Variants in S100Z observed in about 807,000 individuals in gnomAD.
S100Z encodes S100 calcium binding protein Z, also known as protein S100-Z.
Under a neutral mutation model 8.5 loss-of-function variants are expected in S100Z, and 11 were observed. That is an observed-to-expected ratio of 1.30 (90% CI 0.82 to 2.15). The LOEUF (loss-of-function observed/expected upper bound fraction) is 2.15. Ranked by LOEUF, S100Z falls within the 30% of genes most tolerant of loss-of-function variation. The pLI is 0.00. For synonymous variants in S100Z, 34 were observed against 43.8 expected, an observed-to-expected ratio of 0.78 and a Z score of 0.89; for missense variants, 126 against 117.9, an observed-to-expected ratio of 1.07 and a Z score of -0.32.
intron 1 of S100Z, among the ~76,000 whole-genome samples, chr5:76,865,378 G>C (rs1236988348): frequency 6.6e-6 from 1 of 151,504 alleles, no homozygotes; most frequent in Non-Finnish European, 1.5e-5. Context: ...CCGAGTAGCT[G>C]GGATTACAGG....
At chr5:76,950,536 A>T in the S100Z span, among the ~76,000 whole-genome samples, 2 of 152,202 alleles carry the variant, frequency 1.3e-5, no homozygotes, top group Non-Finnish European at 2.9e-5. Flanking sequence ...TTCCTACCTA[A>T]CAAAAAGAAA....
At chr5:76,933,737 G>T in the S100Z span, among the ~76,000 whole-genome samples, 1 of 152,076 alleles carries the variant, frequency 6.6e-6, no homozygotes. Context: ...ATTGTGGTGA[G>T]ATATACATAA....
At chr5:76,948,451 C>G in the S100Z span, among the ~76,000 whole-genome samples, 1 of 151,956 alleles carries the variant, frequency 6.6e-6, no homozygotes, top group Non-Finnish European at 1.5e-5. Context: ...TGGTTAATAT[C>G]CAAAATATAT....
the S100Z span, among the ~76,000 whole-genome samples, chr5:76,951,269 G>T: frequency 6.6e-6 from 1 of 152,246 alleles, no homozygotes; most frequent in Non-Finnish European, 1.5e-5. Flanking sequence ...CATCATGACA[G>T]CAGGGTGGGA....
downstream of S100Z, among the ~76,000 whole-genome samples, chr5:76,924,766 C>A (rs1002073477): frequency 6.6e-6 from 1 of 151,984 alleles, no homozygotes; most frequent in Non-Finnish European, 1.5e-5. Context: ...AAAAATTAGC[C>A]GGGCATGGTG....
chr5:76,896,322 CATA>C (rs1744037249), intron 4 of S100Z, among the ~76,000 whole-genome samples: 1 of 152,176 alleles, frequency 6.6e-6, no homozygotes, highest in Non-Finnish European at 1.5e-5. Flanking sequence ...TTTCATTTAA[CATA>C]ATGATCTTCA....
At chr5:76,913,143 A>T (rs1264820761) in intron 4 of S100Z, among the ~76,000 whole-genome samples, 1 of 152,248 alleles carries the variant, frequency 6.6e-6, no homozygotes, top group African/African-American at 2.4e-5. Flanking sequence ...CCTTGTTGTC[A>T]GTGTAAACAA....
At chr5:76,898,555 A>C (rs1317157071) in intron 4 of S100Z, among the ~76,000 whole-genome samples, 1 of 152,126 alleles carries the variant, frequency 6.6e-6, no homozygotes, top group African/African-American at 2.4e-5. Context: ...CATCAACTGA[A>C]ATGATCATAT....
chr5:76,940,414 T>C, the S100Z span, among the ~76,000 whole-genome samples: 3 of 151,838 alleles, frequency 2.0e-5, no homozygotes, highest in African/African-American at 7.3e-5. Context: ...TTTTTCTTTT[T>C]TTTTTTTCTT....
chr5:76,864,457 A>G (rs1046314111), intron 1 of S100Z, among the ~76,000 whole-genome samples: 1 of 118,858 alleles, frequency 8.4e-6, no homozygotes, highest in Non-Finnish European at 1.6e-5. Context: ...GCTGGAGTGC[A>G]GTGGCACAAT....
At chr5:76,925,847 G>A (rs538755813), downstream of S100Z, among the ~76,000 whole-genome samples, 4 of 152,216 alleles carry the variant, frequency 2.6e-5, no homozygotes, top group Middle Eastern at 3.4e-3. Flanking sequence ...TGCACCTGTA[G>A]TCCCACCTAC....
At chr5:76,937,833 TTA>T in the S100Z span, among the ~76,000 whole-genome samples, 19 of 151,760 alleles carry the variant, frequency 1.3e-4, no homozygotes, top group South Asian at 4.0e-3. Flanking sequence ...TTCATCCCTA[TTA>T]TGTTTCTGCT....
chr5:76,872,551 C>G (rs1743048451), intron 2 of S100Z, among the ~76,000 whole-genome samples: 1 of 150,640 alleles, frequency 6.6e-6, no homozygotes, highest in South Asian at 2.1e-4. Context: ...GTCCCAGCTA[C>G]TCAGGTGGCT....
At chr5:76,855,973 G>A (rs1750869599) in intron 1 of S100Z, among the ~76,000 whole-genome samples, 1 of 152,154 alleles carries the variant, frequency 6.6e-6, no homozygotes, top group South Asian at 2.1e-4. Context: ...CTGTTCTCAT[G>A]AAAGTGAGTG....
At chr5:76,859,150 A>T (rs1385124635) in intron 1 of S100Z, among the ~76,000 whole-genome samples, 1 of 152,196 alleles carries the variant, frequency 6.6e-6, no homozygotes, top group East Asian at 1.9e-4. Context: ...CTGAAAGATT[A>T]TTAAATTATA....
chr5:76,862,130 CGTGTGTGTGTGT>C (rs3053269), intron 1 of S100Z, among the ~76,000 whole-genome samples: 26 of 147,036 alleles, frequency 1.8e-4, no homozygotes, highest in Admixed American at 1.4e-3. Flanking sequence ...AAGGAGTGTG[CGTGTGTGTGTGT>C]GTGTGTGTGT....
downstream of S100Z, among the ~76,000 whole-genome samples, chr5:76,925,625 T>C (rs1745126035): frequency 6.6e-6 from 1 of 152,176 alleles, no homozygotes; most frequent in Non-Finnish European, 1.5e-5. Context: ...TCTATGCTGC[T>C]TGCTATAGGA....
At chr5:76,888,957 C>G (rs1193135903) in intron 4 of S100Z, among the ~76,000 whole-genome samples, 1 of 152,210 alleles carries the variant, frequency 6.6e-6, no homozygotes, top group Non-Finnish European at 1.5e-5. Flanking sequence ...CGGCCACCCC[C>G]ACATGTCCCC....
chr5:76,948,496 A>G, the S100Z span, among the ~76,000 whole-genome samples: 1 of 152,184 alleles, frequency 6.6e-6, no homozygotes, highest in East Asian at 1.9e-4. Flanking sequence ...AAACCTATTA[A>G]GTCATTTTAA....
Sources: gnomAD v4.1 joint callset for allele counts (sites outside exome capture counted in the v4.1 genomes callset) on GRCh38, gnomAD v4.1.1 for gene constraint, MANE v1.5 for transcripts, NCBI Gene and HGNC (gene_info 2026-07-23, HGNC 2026-07-21) for gene names.